Variants in PDXK observed in about 807,000 individuals in gnomAD.
PDXK encodes the protein pyridoxal kinase, also known as epididymis secretory sperm binding protein Li 1a.
Under a neutral mutation model 43.2 loss-of-function variants are expected in PDXK, and 15 were observed. The observed-to-expected ratio is 0.35, with a 90% CI of 0.23 to 0.53. The LOEUF (loss-of-function observed/expected upper bound fraction) is 0.53. Ranked by LOEUF, PDXK falls within the 20% of genes least tolerant of loss-of-function variation. PDXK has a pLI of 0.92. For synonymous variants in PDXK, 172 were observed against 165.4 expected, an observed-to-expected ratio of 1.04 and a Z score of -0.31; for missense variants, 343 against 417.0, an observed-to-expected ratio of 0.82 and a Z score of 1.54.
rs769142113 is a variant in PDXK, at chr21:43,732,683, A to G, written c.88-1386A>G. 3.9e-6 allele frequency: 3 copies of G among 774,494 alleles called. No homozygotes were observed. Among genetic ancestry groups the G allele is most frequent in the East Asian group, 2.4e-5 (1 of 41,186 alleles). 48.0% of individuals were successfully genotyped at this position (774,494 alleles called of 1,614,324 possible). A position where few individuals can be genotyped will look rare whatever the true frequency, so the allele number is the denominator to read the frequency against. ...TAAAGGATTTGAAATACTGCAAGCT[A>G]TCTGTGTATAGAGGCTGTGGATTCG... On this transcript the variant is annotated intron_variant, in intron 1 of 10. Coordinates refer to ENST00000291565, the MANE Select transcript of PDXK (RefSeq NM_003681.5). This position sits in a 1 kb window ranked among gnomAD's most constrained non-coding sequence, Gnocchi z 4.1.
At chr21:43,729,316 C>T (rs986690433) in intron 1 of PDXK, among the ~76,000 whole-genome samples, 1 of 152,246 alleles carries the variant, frequency 6.6e-6, no homozygotes, top group Non-Finnish European at 1.5e-5. Flanking sequence ...CCTCGTTCTT[C>T]GCGTGCTGTC....
In PDXK at chr21:43,737,254, C is replaced by T; in HGVS notation, c.142+3131C>T. 1 of 1,423,964 alleles carries T rather than the reference C, an allele frequency of 7.0e-7. No individual in the cohort carries two copies. The highest frequency in any genetic ancestry group is 2.9e-5 in the Admixed American group (1 of 34,744). 88.2% of individuals were successfully genotyped at this position (1,423,964 alleles called of 1,614,324 possible). ...CTGGGGGGTGGGAAAGCCGATCCCC[C>T]AAGTGCCTGCAGAGCCCACCTGGCG... On this transcript the variant is annotated intron_variant, in intron 2 of 10. Coordinates refer to ENST00000291565, the MANE Select transcript of PDXK (RefSeq NM_003681.5). This position sits in a 1 kb window ranked among gnomAD's most constrained non-coding sequence, Gnocchi z 4.8.
At chr21:43,750,845 T>TGC (rs1289134876) in intron 7 of PDXK, among the ~76,000 whole-genome samples, 6 of 150,172 alleles carry the variant, frequency 4.0e-5, no homozygotes, top group Admixed American at 1.3e-4. Flanking sequence ...CACGTGTGTG[T>TGC]GTGCACATGT....
chr21:43,760,541 G>A lies in PDXK; in HGVS notation c.*4478G>A, dbSNP rs8130574. ...CTCCAGCCGCACACCTCCTGCCTCT[G>A]CCAGCAGGGGTTGCCGCCAGACCAG... On this transcript the variant is annotated 3_prime_UTR_variant, in exon 11 of 11. Coordinates refer to ENST00000291565, the MANE Select transcript of PDXK (RefSeq NM_003681.5). 117,942 of 152,272 alleles carry A rather than the reference G, an allele frequency of 0.77. 46,631 individuals carry two copies. Among genetic ancestry groups the A allele is most frequent in the African/African-American group, 0.94 (38,872 of 41,570 alleles). The allele number at this position is 152,272 out of a possible 1,614,324, so 9.4% of individuals were successfully genotyped here. A position where few individuals can be genotyped will look rare whatever the true frequency, so the allele number is the denominator to read the frequency against.
chr21:43,755,701 G>A lies in PDXK; in HGVS notation c.763G>A (p.Ala255Thr), dbSNP rs1460214295. The A allele has an allele frequency of 6.2e-7, 1 of 1,613,422 alleles. No homozygotes were observed. The highest frequency in any genetic ancestry group is 1.7e-5 in the Admixed American group (1 of 60,036). ...THKHPNNLKV[A>T]CEKTVSTLHH... The stretch of plus-strand genomic sequence containing the variant: ...AGCAAGTCTGTCCTCCCTGCAGGTG[G>A]CCTGTGAGAAGACCGTGTCTACCTT... The change falls in exon 10 of 11, where the codon GCC becomes ACC. Residue 255 changes from alanine (A) to threonine (T), a missense_variant. Physicochemically the swap from Ala to Thr is moderately conservative, Grantham distance 58 (BLOSUM62 0). Transcript: ENST00000291565.
chr21:43,733,129 G>A (rs1352337125), intron 1 of PDXK, among the ~76,000 whole-genome samples: 2 of 152,064 alleles, frequency 1.3e-5, no homozygotes, highest in Non-Finnish European at 2.9e-5. Context: ...TGATAATACC[G>A]GCTTCAAAGA....
chr21:43,739,398 G>A (rs1437391833), intron 2 of PDXK, among the ~76,000 whole-genome samples: 1 of 152,158 alleles, frequency 6.6e-6, no homozygotes, highest in Non-Finnish European at 1.5e-5. Context: ...CATGGGTGGT[G>A]TTGAGGCTGG....
Position 43,719,315 on chromosome 21 carries a change from G to A in PDXK, c.21G>A (p.Val7=). The change falls in exon 1 of 11, where the codon GTG becomes GTA. Residue 7 remains valine (V), a synonymous_variant. Coordinates refer to ENST00000291565, the MANE Select transcript of PDXK (RefSeq NM_003681.5). ...CCGGCATGGAGGAGGAGTGCCGGGT[G>A]CTCTCCATACAGAGCCACGTCATCC... MEEECR[V]LSIQSHVIRG... 2 of 1,498,826 alleles carry A rather than the reference G, an allele frequency of 1.3e-6. No homozygotes were observed. Among genetic ancestry groups the A allele is most frequent in the Middle Eastern group, 2.3e-4 (1 of 4,422 alleles). The allele number at this position is 1,498,826 out of a possible 1,614,324, so 92.8% of individuals were successfully genotyped here.
intron 8 of PDXK, among the ~76,000 whole-genome samples, chr21:43,752,875 A>G (rs145371029): frequency 5.3e-5 from 8 of 152,290 alleles, no homozygotes; most frequent in Non-Finnish European, 8.8e-5. Context: ...CCTCAGAGCC[A>G]GGCGGGGTCC....
intron 1 of PDXK, chr21:43,733,816 A>T: frequency 1.4e-6 from 1 of 719,876 alleles, no homozygotes. Context: ...GGGCTGGGCG[A>T]TGCCCTCCCG....
chr21:43,755,959 G>C lies in PDXK; in HGVS notation c.835G>C (p.Gly279Arg), dbSNP rs373271632. ...CTCTGCCTGCCCCGCAGCCCAGGCC[G>C]GGGAAGGAGTGAGGCCCAGCCCCAT... ...RTIQCAKAQA[G>R]EGVRPSPMQL... The change falls in exon 11 of 11, where the codon GGG becomes CGG. Residue 279 changes from glycine to arginine, a missense_variant. Gly to Arg is a moderately radical substitution (Grantham distance 125, BLOSUM62 -2). Transcript: ENST00000291565. 2 of 1,608,932 alleles carry C rather than the reference G, an allele frequency of 1.2e-6. No individual in the cohort carries two copies. The highest frequency in any genetic ancestry group is 1.7e-6 in the Non-Finnish European group (2 of 1,176,792).
At chr21:43,724,669 C>A (rs531562382) in intron 1 of PDXK, among the ~76,000 whole-genome samples, 71 of 149,568 alleles carry the variant, frequency 4.7e-4, no homozygotes, top group African/African-American at 1.7e-3. Flanking sequence ...TAGCAAGACT[C>A]CAGCTCTACA....
At chr21:43,730,108 G>C (rs1033960004) in intron 1 of PDXK, among the ~76,000 whole-genome samples, 3 of 142,522 alleles carry the variant, frequency 2.1e-5, no homozygotes, top group Non-Finnish European at 4.8e-5. Context: ...ATATCTGATT[G>C]ATTGATTGAT....
At chr21:43,752,100 CATGTGT>C (rs1420269454) in intron 7 of PDXK, among the ~76,000 whole-genome samples, 4 of 133,846 alleles carry the variant, frequency 3.0e-5, no homozygotes, top group African/African-American at 1.1e-4. Context: ...CGATGCAGCA[CATGTGT>C]GTGTGTGTGT....
At chr21:43,730,566 T>C (rs2083305193) in intron 1 of PDXK, among the ~76,000 whole-genome samples, 1 of 152,152 alleles carries the variant, frequency 6.6e-6, no homozygotes, top group Admixed American at 6.5e-5. Flanking sequence ...CCAGACACAA[T>C]AGACACAAAT....
intron 1 of PDXK, among the ~76,000 whole-genome samples, chr21:43,731,349 G>T (rs1166179799): frequency 6.6e-6 from 1 of 152,196 alleles, no homozygotes; most frequent in East Asian, 1.9e-4. Context: ...TGGATAAGAA[G>T]ATCCTCATGG....
At chr21:43,742,177 T>TTTA (rs955520680) in intron 3 of PDXK, among the ~76,000 whole-genome samples, 6 of 152,212 alleles carry the variant, frequency 3.9e-5, no homozygotes, top group East Asian at 1.9e-4. Context: ...TGTATACATG[T>TTTA]TTATTATTAT....
chr21:43,734,270 C>A lies in PDXK; in HGVS notation c.142+147C>A, dbSNP rs897524812. On this transcript the variant is annotated intron_variant, in intron 2 of 10. Transcript: ENST00000291565. The surrounding 1 kb of genome is among the most constrained non-coding windows in gnomAD (Gnocchi z 5.0). ...GGGACCTGGAGTCCTGGGCGTCGCT[C>A]GGGCAGAGCCTGCACAGCATATCAG... 2 of 744,282 alleles carry A rather than the reference C, an allele frequency of 2.7e-6. No individual in the cohort carries two copies. The highest frequency in any genetic ancestry group is 2.7e-5 in the East Asian group (1 of 37,438). 46.1% of individuals were successfully genotyped at this position (744,282 alleles called of 1,614,324 possible).
At chr21:43,731,403 G>A (rs183094152) in intron 1 of PDXK, among the ~76,000 whole-genome samples, 1 of 152,218 alleles carries the variant, frequency 6.6e-6, no homozygotes, top group Non-Finnish European at 1.5e-5. Flanking sequence ...CACACTCAGG[G>A]GGTTGCCCGA....
Sources: gnomAD v4.1 joint callset for allele counts (sites outside exome capture counted in the v4.1 genomes callset) on GRCh38, gnomAD v4.1.1 for gene constraint, Gnocchi (gnomAD v3.1) non-coding constraint, MANE v1.5 for transcripts, NCBI Gene and HGNC (gene_info 2026-07-23, HGNC 2026-07-21) for gene names.